EIF3E: variants seen among roughly 807,000 people sequenced by gnomAD.
The protein encoded by EIF3E is eukaryotic translation initiation factor 3 subunit E, also known as eIF-3 p48.
EIF3E carries 25 observed loss-of-function variants against 59.3 expected under a neutral mutation model. The ratio of observed to expected loss-of-function variants is 0.42; its 90% confidence interval spans 0.31 to 0.59. EIF3E has a LOEUF of 0.59. Ranked by LOEUF, EIF3E falls within the 20% of genes least tolerant of loss-of-function variation. The pLI is 0.15. For missense variants in EIF3E, 317 were observed against 534.3 expected, an observed-to-expected ratio of 0.59 and a Z score of 4.01; for synonymous variants, 176 against 170.2, an observed-to-expected ratio of 1.03 and a Z score of -0.26.
intron 9 of EIF3E, 94 bp downstream of exon 9, chr8:108,216,318 C>T (rs917741048): frequency 3.3e-6 from 3 of 916,766 alleles, no homozygotes; most frequent in Non-Finnish European, 4.9e-6. Flanking sequence ...GTTATAATTA[C>T]TTCATTACTT....
At chr8:108,237,100 T>C (rs1206661950) in intron 3 of EIF3E, among the ~76,000 whole-genome samples, 1 of 152,196 alleles carries the variant, frequency 6.6e-6, no homozygotes, top group Admixed American at 6.5e-5. Flanking sequence ...ACACAATCCT[T>C]AGGTATAACC....
chr8:108,230,450 T>A (rs907788673), intron 5 of EIF3E, among the ~76,000 whole-genome samples: 2 of 152,014 alleles, frequency 1.3e-5, no homozygotes, highest in African/African-American at 4.8e-5. Context: ...GATTTACATA[T>A]ATTTACATAT....
chr8:108,238,334 C>A (rs546240460), intron 3 of EIF3E, among the ~76,000 whole-genome samples: 1 of 152,254 alleles, frequency 6.6e-6, no homozygotes, highest in Non-Finnish European at 1.5e-5. Flanking sequence ...TTGCCTACCC[C>A]CTACTCACGA....
chr8:108,248,717 G>C lies in EIF3E; in HGVS notation c.-15C>G. The C allele has an allele frequency of 6.2e-7, 1 of 1,613,932 alleles. No individual in the cohort carries two copies. Among genetic ancestry groups the C allele is most frequent in the Non-Finnish European group, 8.5e-7 (1 of 1,179,832 alleles). On this transcript the variant is annotated 5_prime_UTR_variant, in exon 1 of 13. Transcript: ENST00000220849. ...TACTCCGCCATCTTGCCAAAGAAAA[G>C]GGAGTCTGTGCTCACTAAAACTTTA... is the stretch of plus-strand genomic sequence containing the variant.
At chr8:108,222,153 C>A (rs1228578715) in intron 7 of EIF3E, among the ~76,000 whole-genome samples, 1 of 131,176 alleles carries the variant, frequency 7.6e-6, no homozygotes, top group Non-Finnish European at 1.6e-5. Context: ...AACCATCCTC[C>A]TGCCCCAACC....
chr8:108,248,523 G>A (rs1414241944), intron 1 of EIF3E, 90 bp downstream of exon 1: 20 of 1,320,070 alleles, frequency 1.5e-5, no homozygotes, highest in Non-Finnish European at 1.8e-5. Context: ...CCTCGCACGT[G>A]TCAGGCCTAG....
At chr8:108,238,856 G>A (rs1044110982) in intron 3 of EIF3E, among the ~76,000 whole-genome samples, 2 of 152,168 alleles carry the variant, frequency 1.3e-5, no homozygotes, top group Non-Finnish European at 2.9e-5. Context: ...TGGTAGCTAG[G>A]ATTTATCTCA....
At chr8:108,217,589 G>A in intron 7 of EIF3E, 129 bp from the exon 8 acceptor site, 1 of 675,278 alleles carries the variant, frequency 1.5e-6, no homozygotes. Context: ...AGTATTATAA[G>A]AAAATCTCCT....
intron 10 of EIF3E, among the ~76,000 whole-genome samples, chr8:108,204,539 A>C (rs925751327): frequency 1.7e-4 from 26 of 151,954 alleles, no homozygotes; most frequent in Admixed American, 9.8e-4. Flanking sequence ...TTATTCATCC[A>C]TGTAACGAAA....
chr8:108,232,892 C>T (rs1480751576), intron 5 of EIF3E, among the ~76,000 whole-genome samples: 1 of 139,504 alleles, frequency 7.2e-6, no homozygotes, highest in Non-Finnish European at 1.6e-5. Flanking sequence ...TGTGCTGGAA[C>T]TCTAACATGA....
chr8:108,241,771 A>G (rs1383010353), intron 2 of EIF3E, 28 bp downstream of exon 2: 1 of 1,376,632 alleles, frequency 7.3e-7, no homozygotes, highest in East Asian at 2.4e-5. Flanking sequence ...GTCACAAGAC[A>G]AGTTTCAGTT....
At chr8:108,218,629 A>C (rs539404078) in intron 7 of EIF3E, among the ~76,000 whole-genome samples, 5 of 152,218 alleles carry the variant, frequency 3.3e-5, no homozygotes, top group African/African-American at 1.2e-4. Context: ...CTGAAAAATT[A>C]AGCTTGAGTT....
At chr8:108,204,604 C>T (rs1016508761) in intron 10 of EIF3E, among the ~76,000 whole-genome samples, 5 of 151,708 alleles carry the variant, frequency 3.3e-5, no homozygotes, top group African/African-American at 1.2e-4. Flanking sequence ...AGTAAGCCTA[C>T]TATAAAGAGC....
In EIF3E at chr8:108,225,682, T is replaced by G. The variant is rs1434706726; in HGVS notation, c.722+2585A>C. On this transcript the variant is annotated intron_variant, in intron 7 of 12. Coordinates refer to ENST00000220849, the MANE Select transcript of EIF3E (RefSeq NM_001568.3). ...CTTCAAAAAAGAATATTCACAATTATCGGAAAAGGATATTATTAATAAAAC... is the reference window on the plus strand; with the variant it reads ...CTTCAAAAAAGAATATTCACAATTAGCGGAAAAGGATATTATTAATAAAAC... Among the ~76,000 whole-genome samples, 10 of 151,696 alleles carry G rather than the reference T, an allele frequency of 6.6e-5. No individual in the cohort carries two copies. In the East Asian group the frequency reaches 9.6e-4, roughly 15 times the overall value.
intron 3 of EIF3E, 48 bp downstream of exon 3, chr8:108,239,910 T>C (rs1383866221): frequency 5.0e-6 from 7 of 1,409,984 alleles, no homozygotes; most frequent in Non-Finnish European, 7.0e-6. Context: ...ACATTTGTAT[T>C]AATCCAGAAA....
At chr8:108,218,674 G>A (rs1466109128) in intron 7 of EIF3E, among the ~76,000 whole-genome samples, 1 of 151,980 alleles carries the variant, frequency 6.6e-6, no homozygotes, top group Non-Finnish European at 1.5e-5. Context: ...TACTCATTTA[G>A]AACAATTACT....
chr8:108,224,864 T>A (rs1045423668), intron 7 of EIF3E, among the ~76,000 whole-genome samples: 3 of 151,480 alleles, frequency 2.0e-5, no homozygotes, highest in Non-Finnish European at 4.4e-5. Flanking sequence ...ATACTAGCAG[T>A]CCCTATATTT....
intron 1 of EIF3E, 90 bp downstream of exon 1, chr8:108,248,523 G>T: frequency 7.6e-7 from 1 of 1,320,184 alleles, no homozygotes; most frequent in Non-Finnish European, 1.1e-6. Flanking sequence ...CCTCGCACGT[G>T]TCAGGCCTAG....
At chr8:108,203,330 G>A (rs1815030927) in intron 11 of EIF3E, 71 bp downstream of exon 11, 1 of 1,400,254 alleles carries the variant, frequency 7.1e-7, no homozygotes, top group East Asian at 2.3e-5. Context: ...GTAATAAAAT[G>A]TCCTAGTTAA....
Sources: gnomAD v4.1 joint callset for allele counts (sites outside exome capture counted in the v4.1 genomes callset) on GRCh38, gnomAD v4.1.1 for gene constraint, MANE v1.5 for transcripts, NCBI Gene and HGNC (gene_info 2026-07-23, HGNC 2026-07-21) for gene names.